EXOC4: variants seen among roughly 807,000 people sequenced by gnomAD.
EXOC4 encodes the protein SEC8-like 1.
In EXOC4, 71 loss-of-function variants were observed where a neutral mutation model predicts 107.2. The ratio of observed to expected loss-of-function variants is 0.66; its 90% CI spans 0.55 to 0.81. EXOC4 has a LOEUF of 0.81. Among genes scored for constraint, EXOC4 ranks in the 30% least tolerant of loss-of-function variants. The pLI, the probability that EXOC4 is intolerant of heterozygous loss-of-function variation, is 0.00. For synonymous variants in EXOC4, 456 were observed against 441.2 expected, an observed-to-expected ratio of 1.03 and a Z score of -0.42; for missense variants, 1,108 against 1,189.6, an observed-to-expected ratio of 0.93 and a Z score of 1.01.
chr7:133,475,974 G>A (rs1465184046), intron 8 of EXOC4, among the ~76,000 whole-genome samples: 5 of 152,080 alleles, frequency 3.3e-5, no homozygotes, highest in Admixed American at 3.3e-4. Flanking sequence ...TGCCCAAAGT[G>A]TATATCTCTT....
intron 10 of EXOC4, among the ~76,000 whole-genome samples, chr7:133,694,033 A>T (rs1048799408): frequency 1.2e-4 from 18 of 152,218 alleles, no homozygotes; most frequent in Admixed American, 1.2e-3. Context: ...TGGGAGGCCA[A>T]GGTGGGCGGA....
At chr7:133,797,621 C>T (rs1031688264) in intron 10 of EXOC4, among the ~76,000 whole-genome samples, 3 of 152,116 alleles carry the variant, frequency 2.0e-5, no homozygotes, top group South Asian at 2.1e-4. Flanking sequence ...CTTTGGAAAA[C>T]GGTGGCTGCA....
chr7:133,825,348 G>C (rs1444866527), intron 11 of EXOC4, among the ~76,000 whole-genome samples: 1 of 152,102 alleles, frequency 6.6e-6, no homozygotes, highest in Admixed American at 6.5e-5. Context: ...CTGAATGATA[G>C]AGTGAGACTC....
chr7:133,788,236 A>G (rs973569321), intron 10 of EXOC4, among the ~76,000 whole-genome samples: 1 of 151,244 alleles, frequency 6.6e-6, no homozygotes. Flanking sequence ...ACAGCTTTAA[A>G]TAACAGCTGT....
At chr7:134,036,069 A>G (rs550576786) in intron 17 of EXOC4, among the ~76,000 whole-genome samples, 32 of 152,280 alleles carry the variant, frequency 2.1e-4, no homozygotes, top group African/African-American at 7.7e-4. Context: ...TGAACCTAAG[A>G]CTTAAACGTG....
At chr7:134,068,671 C>G (rs1796221515), downstream of EXOC4, among the ~76,000 whole-genome samples, 1 of 152,172 alleles carries the variant, frequency 6.6e-6, no homozygotes, top group South Asian at 2.1e-4. Flanking sequence ...CCAGCAGTTA[C>G]TGCCCTCTGC....
intron 7 of EXOC4, among the ~76,000 whole-genome samples, chr7:133,407,327 C>A (rs4728283): frequency 0.48 from 72,981 of 151,972 alleles, 17,936 homozygotes; most frequent in East Asian, 0.6. Context: ...ATAAATCCCA[C>A]ATGTCTTAGC....
chr7:133,896,840 T>C (rs1294780433), intron 12 of EXOC4, among the ~76,000 whole-genome samples: 2 of 86,190 alleles, frequency 2.3e-5, no homozygotes, highest in African/African-American at 1.3e-4. Flanking sequence ...TATTTTTGTA[T>C]TTTTAGTAGA....
At chr7:133,778,208 G>A (rs1223987898) in intron 10 of EXOC4, among the ~76,000 whole-genome samples, 1 of 152,070 alleles carries the variant, frequency 6.6e-6, no homozygotes, top group Non-Finnish European at 1.5e-5. Flanking sequence ...ATCTTAGGGG[G>A]GGTAATTAGT....
intron 7 of EXOC4, among the ~76,000 whole-genome samples, chr7:133,375,278 C>G (rs993758623): frequency 2.0e-5 from 3 of 152,152 alleles, no homozygotes. Context: ...GAGTCTGAGA[C>G]CAGTCTGGCC....
At chr7:133,966,427 G>C (rs1025977225) in intron 14 of EXOC4, among the ~76,000 whole-genome samples, 4 of 152,212 alleles carry the variant, frequency 2.6e-5, no homozygotes, top group African/African-American at 9.7e-5. Flanking sequence ...AATGCTTCCA[G>C]CTTTTGCCTA....
At chr7:133,865,840 C>G (rs1252276591) in intron 11 of EXOC4, among the ~76,000 whole-genome samples, 2 of 152,194 alleles carry the variant, frequency 1.3e-5, no homozygotes, top group African/African-American at 2.4e-5. Flanking sequence ...TCACCTCTCA[C>G]CAAGCCCCTC....
At chr7:133,935,320 T>G (rs1800274511) in intron 13 of EXOC4, among the ~76,000 whole-genome samples, 1 of 152,154 alleles carries the variant, frequency 6.6e-6, no homozygotes, top group Non-Finnish European at 1.5e-5. Flanking sequence ...TCAGTTTACA[T>G]CTCACTGGCC....
intron 5 of EXOC4, among the ~76,000 whole-genome samples, chr7:133,351,440 A>G (rs748192001): frequency 1.3e-5 from 2 of 151,962 alleles, no homozygotes; most frequent in African/African-American, 2.4e-5. Flanking sequence ...TGTTTCCAGG[A>G]AATTGTACAT....
intron 10 of EXOC4, among the ~76,000 whole-genome samples, chr7:133,802,709 T>C (rs1796974404): frequency 6.6e-6 from 1 of 151,852 alleles, no homozygotes; most frequent in Admixed American, 6.6e-5. Flanking sequence ...TAGCCAGATG[T>C]GGTGGTGGAA....
intron 11 of EXOC4, among the ~76,000 whole-genome samples, chr7:133,842,149 A>G (rs1798036807): frequency 6.6e-6 from 1 of 152,212 alleles, no homozygotes; most frequent in Non-Finnish European, 1.5e-5. Context: ...AATGATTTAT[A>G]TTCCTTTGGG....
In EXOC4 at chr7:133,823,901, AT is replaced by A. The variant is rs1396850065; in HGVS notation, c.1734+6358del. ...ATATATATATATATATATTTTATATATATATATATAAATATATATATAAATT... is the reference window on the plus strand; with the variant it reads ...ATATATATATATATATATTTTATATAATATATATAAATATATATATAAATT... On this transcript the variant is annotated intron_variant, in intron 11 of 17. Coordinates refer to ENST00000253861, the MANE Select transcript of EXOC4 (RefSeq NM_021807.4). Among the ~76,000 whole-genome samples, 8 of 28,176 alleles carry A rather than the reference AT, an allele frequency of 2.8e-4. 1 individual carries two copies. Among genetic ancestry groups the A allele is most frequent in the African/African-American group, 1.2e-3 (3 of 2,552 alleles). 18.5% of individuals were successfully genotyped at this position (28,176 alleles called of 152,430 possible). A position where few individuals can be genotyped will look rare whatever the true frequency, so the allele number is the denominator to read the frequency against.
downstream of EXOC4, chr7:134,066,720 G>A (rs1375920045): frequency 6.6e-6 from 1 of 152,166 alleles, no homozygotes; most frequent in African/African-American, 2.4e-5. Context: ...TGAGGCTGTT[G>A]TGCTGTTTAC....
intron 11 of EXOC4, among the ~76,000 whole-genome samples, chr7:133,850,682 T>TC (rs1393695620): frequency 6.7e-5 from 10 of 149,760 alleles, no homozygotes; most frequent in Admixed American, 1.3e-4. Context: ...TTTATATCAC[T>TC]CCAACAGATG....
Sources: gnomAD v4.1 joint callset for allele counts (sites outside exome capture counted in the v4.1 genomes callset) on GRCh38, gnomAD v4.1.1 for gene constraint, MANE v1.5 for transcripts, NCBI Gene and HGNC (gene_info 2026-07-23, HGNC 2026-07-21) for gene names.